The following ZNF407 variants were observed in gnomAD, a reference collection of about 807,000 sequenced individuals.
ZNF407 encodes the protein zinc finger protein 407.
Under a neutral mutation model 131.2 loss-of-function variants are expected in ZNF407, and 17 were observed. The ratio of observed to expected loss-of-function variants is 0.13; its 90% CI spans 0.09 to 0.19. The LOEUF is 0.19. Among genes scored for constraint, ZNF407 ranks in the 10% least tolerant of loss-of-function variants. The pLI is 1.00. For synonymous variants in ZNF407, 1,156 were observed against 1,062.0 expected (o/e 1.09, Z -1.72); for missense variants, 2,681 against 2,830.6 (o/e 0.95, Z 1.20).
chr18:74,772,340 CATCTAA>C (rs1377088106), intron 3 of ZNF407, among the ~76,000 whole-genome samples: 1 of 152,150 alleles, frequency 6.6e-6, no homozygotes, highest in East Asian at 1.9e-4. Flanking sequence ...CCCTATAAAT[CATCTAA>C]ATCTAAATCC....
At chr18:74,981,468 C>G (rs1972592667) in intron 8 of ZNF407, among the ~76,000 whole-genome samples, 1 of 152,226 alleles carries the variant, frequency 6.6e-6, no homozygotes, top group Non-Finnish European at 1.5e-5. Context: ...AGCTTACGAT[C>G]TGTTCCTGGT....
intron 7 of ZNF407, among the ~76,000 whole-genome samples, chr18:74,896,977 A>G (rs1018366755): frequency 2.0e-5 from 3 of 151,722 alleles, no homozygotes; most frequent in Admixed American, 2.0e-4. Flanking sequence ...CTAATTTTTT[A>G]TTTGGTTTTG....
Position 75,063,965 on chromosome 18 carries a change from G to A in ZNF407, c.6244G>A (p.Gly2082Ser). The change falls in exon 9 of 9, where the codon GGC becomes AGC. Residue 2082 changes from glycine (G) to serine (S), a missense_variant. Physicochemically the swap from Gly to Ser is moderately conservative, Grantham distance 56. Coordinates refer to ENST00000299687, the MANE Select transcript of ZNF407 (RefSeq NM_017757.3). The surrounding 1 kb of genome is among the most constrained non-coding windows in gnomAD (Gnocchi z 6.6). Reference protein sequence around the residue: ...AQVAFKKMVQGVLQFAVCDTA... With the variant: ...AQVAFKKMVQSVLQFAVCDTA... Reference sequence around the variant, plus strand: ...GGTGGCCTTCAAGAAGATGGTCCAGGGCGTCCTCCAGTTTGCTGTGTGTGA... The same window carrying A: ...GGTGGCCTTCAAGAAGATGGTCCAGAGCGTCCTCCAGTTTGCTGTGTGTGA... The A allele has an allele frequency of 6.2e-7, 1 of 1,613,654 alleles. No individual in the cohort carries two copies.
chr18:74,629,649 C>G (rs1315526031), intron 1 of ZNF407, among the ~76,000 whole-genome samples: 1 of 152,016 alleles, frequency 6.6e-6, no homozygotes, highest in Admixed American at 6.5e-5. Context: ...TTAGCTGAGT[C>G]AAAGCAATAG....
chr18:74,659,365 T>C (rs549112831), intron 3 of ZNF407, among the ~76,000 whole-genome samples: 7 of 152,182 alleles, frequency 4.6e-5, no homozygotes, highest in Non-Finnish European at 7.4e-5. Context: ...ATTTATGAAA[T>C]TGAAAACAAT....
At chr18:75,012,331 T>TAGCAGGCTCTGGGG (rs1972986351) in intron 8 of ZNF407, among the ~76,000 whole-genome samples, 1 of 102,594 alleles carries the variant, frequency 9.7e-6, no homozygotes, top group African/African-American at 3.4e-5. Context: ...ACATAGTGTA[T>TAGCAGGCTCTGGGG]GTACACATAG....
At chr18:74,687,507 T>TTCAA (rs1377660953) in intron 3 of ZNF407, among the ~76,000 whole-genome samples, 8 of 152,088 alleles carry the variant, frequency 5.3e-5, no homozygotes, top group African/African-American at 1.9e-4. Flanking sequence ...AAAAAGCCTC[T>TTCAA]GAGAGAAGAG....
chr18:74,730,496 C>T (rs902616355), intron 3 of ZNF407, among the ~76,000 whole-genome samples: 1 of 152,162 alleles, frequency 6.6e-6, no homozygotes, highest in East Asian at 1.9e-4. Context: ...GTAGCTACTG[C>T]CCGTCACAAA....
intron 8 of ZNF407, among the ~76,000 whole-genome samples, chr18:74,941,052 T>C (rs1364213421): frequency 6.6e-6 from 1 of 151,078 alleles, no homozygotes; most frequent in Non-Finnish European, 1.5e-5. Context: ...GTGCCCTAAG[T>C]GAATCCCAGT....
At chr18:74,628,152 C>G (rs1292065833) in intron 1 of ZNF407, among the ~76,000 whole-genome samples, 1 of 152,028 alleles carries the variant, frequency 6.6e-6, no homozygotes, top group Non-Finnish European at 1.5e-5. Context: ...TGTATCTGAA[C>G]TAATGTTGAA....
At chr18:74,885,717 A>T in intron 6 of ZNF407, among the ~76,000 whole-genome samples, 1 of 152,182 alleles carries the variant, frequency 6.6e-6, no homozygotes, top group East Asian at 1.9e-4. Flanking sequence ...AGTAAAGGCA[A>T]TTTAGTCTTT....
At chr18:74,824,280 C>T (rs1478601506) in intron 4 of ZNF407, among the ~76,000 whole-genome samples, 1 of 152,110 alleles carries the variant, frequency 6.6e-6, no homozygotes, top group Non-Finnish European at 1.5e-5. Flanking sequence ...AAATTCCACA[C>T]ACTAACATCA....
chr18:75,029,626 C>T (rs892352352), intron 8 of ZNF407, among the ~76,000 whole-genome samples: 10 of 151,580 alleles, frequency 6.6e-5, no homozygotes, highest in African/African-American at 2.2e-4. Context: ...CCTGGGTGTG[C>T]GTGGGTGTGC....
intron 8 of ZNF407, among the ~76,000 whole-genome samples, chr18:75,056,533 TGAG>T (rs1206984337): frequency 7.9e-5 from 12 of 152,194 alleles, no homozygotes; most frequent in African/African-American, 2.7e-4. Context: ...TTCAGGAACT[TGAG>T]GAAGTTCACA....
intron 8 of ZNF407, among the ~76,000 whole-genome samples, chr18:75,039,659 T>G (rs535627150): frequency 6.6e-6 from 1 of 152,188 alleles, no homozygotes; most frequent in African/African-American, 2.4e-5. Flanking sequence ...TTATGAATAC[T>G]TGAAAGTTTT....
At chr18:74,726,643 A>G (rs1015710613) in intron 3 of ZNF407, among the ~76,000 whole-genome samples, 4 of 152,328 alleles carry the variant, frequency 2.6e-5, no homozygotes, top group African/African-American at 7.2e-5. Context: ...GATATTGTCA[A>G]TTATGGTGTA....
chr18:74,954,715 C>T (rs1420448587), intron 8 of ZNF407, among the ~76,000 whole-genome samples: 4 of 151,970 alleles, frequency 2.6e-5, no homozygotes, highest in Admixed American at 6.6e-5. Flanking sequence ...TGTATGAAAC[C>T]GCAACACACA....
At chr18:74,646,250 C>A (rs1984966903) in intron 3 of ZNF407, among the ~76,000 whole-genome samples, 1 of 152,146 alleles carries the variant, frequency 6.6e-6, no homozygotes, top group Admixed American at 6.5e-5. Flanking sequence ...TTTAGCTGAA[C>A]AATTAGTTAC....
At chr18:74,717,415 T>G (rs1967920864) in intron 3 of ZNF407, among the ~76,000 whole-genome samples, 1 of 152,172 alleles carries the variant, frequency 6.6e-6, no homozygotes, top group Non-Finnish European at 1.5e-5. Context: ...ACATGATATA[T>G]TCAAAATGAA....
Sources: allele counts gnomAD v4.1 joint callset (sites outside exome capture counted in the v4.1 genomes callset), GRCh38; gene constraint gnomAD v4.1.1; non-coding constraint Gnocchi (gnomAD v3.1); transcripts MANE v1.5; gene names NCBI Gene and HGNC (gene_info 2026-07-23, HGNC 2026-07-21).